NCAPD3: variants seen among roughly 807,000 people sequenced by gnomAD.
The protein encoded by NCAPD3 is condensin-2 complex subunit D3.
A neutral mutation model predicts 182.9 loss-of-function variants in NCAPD3; 105 were observed. That is an observed-to-expected ratio of 0.57 (90% CI 0.49 to 0.68). NCAPD3 has a LOEUF of 0.68. NCAPD3 is among the 30% of genes least tolerant of loss of function. The probability of loss-of-function intolerance (pLI) is 0.00; values close to 1 mark genes in which losing one functional copy is unlikely to be tolerated. For synonymous variants in NCAPD3, 815 were observed against 679.9 expected, an observed-to-expected ratio of 1.20 and a Z score of -3.09; for missense variants, 1,944 against 1,837.0, an observed-to-expected ratio of 1.06 and a Z score of -1.07.
chr11:134,179,997 AT>A (rs1198156206), intron 20 of NCAPD3, among the ~76,000 whole-genome samples: 2 of 151,796 alleles, frequency 1.3e-5, no homozygotes, highest in Non-Finnish European at 2.9e-5. Flanking sequence ...TGAAGAGTAG[AT>A]TTTGATGACA....
chr11:134,169,272 TA>T (rs1436148139), intron 24 of NCAPD3, among the ~76,000 whole-genome samples: 1 of 152,234 alleles, frequency 6.6e-6, no homozygotes, highest in African/African-American at 2.4e-5. Context: ...AAGGTAAGTA[TA>T]TTTTTTCCAC....
rs1176408052 is a variant in NCAPD3 at position 134,201,048 on chromosome 11, CAG to C, written c.1615+1766_1615+1767del. The stretch of plus-strand genomic sequence containing the variant: ...GCAATTTTTTTTTTTTTTTTTTGGA[CAG>C]AGTCTCGCTCTGTCAACAGGCTGGA... On this transcript the variant is annotated intron_variant, in intron 13 of 34. Coordinates refer to ENST00000534548, the MANE Select transcript of NCAPD3 (RefSeq NM_015261.3). Among the ~76,000 whole-genome samples the C allele has an allele frequency of 1.0e-4, 14 of 139,948 alleles. No homozygotes were observed. In the East Asian group the frequency reaches 1.2e-3, roughly 12 times the overall value. The allele number at this position is 139,948 out of a possible 152,430, so 91.8% of individuals were successfully genotyped here.
At chr11:134,209,236 A>AT (rs745611300) in intron 5 of NCAPD3, 30 bp from the exon 6 acceptor site, 3 of 1,609,750 alleles carry the variant, frequency 1.9e-6, no homozygotes, top group Non-Finnish European at 1.7e-6. Context: ...AAAAGGCCTG[A>AT]TTTTTTCTAC....
At chr11:134,197,934 G>A (rs1213779253) in intron 13 of NCAPD3, among the ~76,000 whole-genome samples, 2 of 152,136 alleles carry the variant, frequency 1.3e-5, no homozygotes, top group African/African-American at 2.4e-5. Context: ...CGTACTCAGC[G>A]GTGAAGACCA....
chr11:134,169,641 C>T (rs1177311456), intron 24 of NCAPD3, among the ~76,000 whole-genome samples: 1 of 152,232 alleles, frequency 6.6e-6, no homozygotes, highest in Non-Finnish European at 1.5e-5. Flanking sequence ...TCTCCTTCCA[C>T]CCATGCCCTC....
chr11:134,223,985 G>GC, upstream of NCAPD3: 2 of 1,588,210 alleles, frequency 1.3e-6, no homozygotes, highest in Non-Finnish European at 1.7e-6. Context: ...GCTCCCGCGC[G>GC]CGCGCCGAGT....
At chr11:134,191,817 A>G (rs1233727852) in intron 16 of NCAPD3, among the ~76,000 whole-genome samples, 1 of 152,196 alleles carries the variant, frequency 6.6e-6, no homozygotes, top group Non-Finnish European at 1.5e-5. Context: ...ACTTAATGAG[A>G]TATCTTGGGG....
Position 134,161,846 on chromosome 11 carries a change from AGAT to A in NCAPD3, c.3616_3618del (p.Ile1206del), listed in dbSNP as rs772764525. ...TTTTTCTCCAGCACAGTCTTCAGGG[AGAT>A]GATAATTGGAATAATATTTTCTATG... is the stretch of plus-strand genomic sequence containing the variant. On this transcript the variant is annotated inframe_deletion, in exon 28 of 35. Coordinates refer to ENST00000534548, the MANE Select transcript of NCAPD3 (RefSeq NM_015261.3). 1.3e-6 allele frequency: 2 copies of A among 1,587,284 alleles called. No individual in the cohort carries two copies. The highest frequency in any genetic ancestry group is 1.7e-6 in the Non-Finnish European group (2 of 1,161,726).
chr11:134,217,513 C>T (rs1938071725), intron 2 of NCAPD3, among the ~76,000 whole-genome samples: 1 of 151,986 alleles, frequency 6.6e-6, no homozygotes, highest in African/African-American at 2.4e-5. Context: ...AATCAGAGCC[C>T]TTTATTTAAA....
chr11:134,203,195 G>C lies in NCAPD3; in HGVS notation c.1472C>G (p.Pro491Arg). 2 of 1,594,364 alleles carry C rather than the reference G, an allele frequency of 1.3e-6. No homozygotes were observed. Among genetic ancestry groups the C allele is most frequent in the Admixed American group, 1.7e-5 (1 of 59,910 alleles). ...GTGACTCTCTATTACAGAAAACGTAGGACCTAAAAACAAGAAGAAAGATAA... is the reference window on the plus strand; with the variant it reads ...GTGACTCTCTATTACAGAAAACGTACGACCTAAAAACAAGAAGAAAGATAA... Reference protein sequence around the residue: ...ESILELLINSPTFSVIESHPG... With the variant: ...ESILELLINSRTFSVIESHPG... The change falls in exon 12 of 35, where the codon CCT becomes CGT. Residue 491 changes from proline to arginine, a missense_variant. This residue lies in a region of NCAPD3 where 1,803 missense variants were observed against 1,674.6 expected (regional missense o/e 1.08). Transcript: ENST00000534548.
intron 1 of NCAPD3, chr11:134,223,105 T>C (rs1938297814): frequency 2.9e-6 from 1 of 346,594 alleles, no homozygotes; most frequent in Non-Finnish European, 5.4e-6. Flanking sequence ...TTATAAAGCA[T>C]GCCAAGGATG....
intron 24 of NCAPD3, among the ~76,000 whole-genome samples, chr11:134,171,320 T>G (rs1284665776): frequency 2.0e-5 from 3 of 152,188 alleles, no homozygotes; most frequent in African/African-American, 7.2e-5. Flanking sequence ...AAGAAGTTAT[T>G]ACTCTCTCAC....
rs1944785486 is a variant in NCAPD3 at position 134,203,201 on chromosome 11, A to G, written c.1469-3T>C. 6.3e-7 allele frequency: 1 copy of G among 1,586,798 alleles called. No individual in the cohort carries two copies. The highest frequency in any genetic ancestry group is 8.7e-7 in the Non-Finnish European group (1 of 1,155,886). On this transcript the variant is annotated splice_region_variant and splice_polypyrimidine_tract_variant and intron_variant, in intron 11 of 34. Coordinates refer to ENST00000534548, the MANE Select transcript of NCAPD3 (RefSeq NM_015261.3). ...CTCTATTACAGAAAACGTAGGACCT[A>G]AAAACAAGAAGAAAGATAAGAAGGA...
At chr11:134,170,301 C>T (rs1425473394) in intron 24 of NCAPD3, among the ~76,000 whole-genome samples, 1 of 152,168 alleles carries the variant, frequency 6.6e-6, no homozygotes, top group Non-Finnish European at 1.5e-5. Flanking sequence ...ACCAGAAGCA[C>T]CTGTCTGATC....
chr11:134,201,088 A>G (rs919236946), intron 13 of NCAPD3, among the ~76,000 whole-genome samples: 12 of 148,256 alleles, frequency 8.1e-5, no homozygotes, highest in Admixed American at 7.5e-4. Flanking sequence ...GCGGTGGCGC[A>G]ATCTCGGCTC....
chr11:134,167,347 T>G, intron 27 of NCAPD3, among the ~76,000 whole-genome samples: 1 of 48,744 alleles, frequency 2.1e-5, no homozygotes, highest in Non-Finnish European at 3.4e-5. Context: ...CGCACACTCG[T>G]GAGATGAGCT....
Position 134,157,100 on chromosome 11 carries a change from A to G in NCAPD3, c.4175-5T>C, listed in dbSNP as rs1420981630. 1 of 1,609,946 alleles carries G rather than the reference A, an allele frequency of 6.2e-7. No homozygotes were observed. The highest frequency in any genetic ancestry group is 1.3e-5 in the African/African-American group (1 of 74,862). ...GCTCCAAACTGTATGAAGACACTAG[A>G]ACAGAAAAGGTGCTGCTATCCAGAA... is the stretch of plus-strand genomic sequence containing the variant. On this transcript the variant is annotated splice_polypyrimidine_tract_variant and splice_region_variant and intron_variant, in intron 31 of 34. Transcript: ENST00000534548.
At chr11:134,154,331 G>A (rs1943353706) in intron 32 of NCAPD3, among the ~76,000 whole-genome samples, 1 of 152,150 alleles carries the variant, frequency 6.6e-6, no homozygotes, top group Non-Finnish European at 1.5e-5. Context: ...TCCTAGGAGA[G>A]CCTGAAGTCC....
intron 27 of NCAPD3, among the ~76,000 whole-genome samples, chr11:134,164,581 CACTT>C (rs531424098): frequency 6.6e-5 from 10 of 152,192 alleles, no homozygotes; most frequent in South Asian, 2.1e-4. Flanking sequence ...GCTGCACACT[CACTT>C]GTGACATGAG....
Sources: allele counts gnomAD v4.1 joint callset (sites outside exome capture counted in the v4.1 genomes callset), GRCh38; gene constraint gnomAD v4.1.1; regional missense constraint gnomAD v4.1.1; transcripts MANE v1.5; gene names NCBI Gene and HGNC (gene_info 2026-07-23, HGNC 2026-07-21).